Variants in ADGRB3 observed in about 807,000 individuals in gnomAD.
ADGRB3 encodes the protein adhesion G protein-coupled receptor B3.
A neutral mutation model predicts 193.4 loss-of-function variants in ADGRB3; 37 were observed. That is an observed-to-expected ratio of 0.19 (90% CI 0.15 to 0.25). The LOEUF (loss-of-function observed/expected upper bound fraction) is 0.25, where lower values mean the gene tolerates loss of function less well. ADGRB3 is among the 10% of genes least tolerant of loss of function. The pLI, the probability that ADGRB3 is intolerant of heterozygous loss-of-function variation, is 1.00. For missense variants in ADGRB3, 1,637 were observed against 1,852.9 expected (o/e 0.88, Z 2.14); for synonymous variants, 690 against 644.2 (o/e 1.07, Z -1.08).
chr6:69,069,279 T>C (rs1200726332), intron 16 of ADGRB3, among the ~76,000 whole-genome samples: 2 of 152,050 alleles, frequency 1.3e-5, no homozygotes. Flanking sequence ...GTTTTACTCT[T>C]TAAGGGACTG....
chr6:68,660,891 T>C (rs1336698108), intron 3 of ADGRB3, among the ~76,000 whole-genome samples: 1 of 151,072 alleles, frequency 6.6e-6, no homozygotes, highest in Non-Finnish European at 1.5e-5. Flanking sequence ...TTATATGAAA[T>C]AAGCTGGATA....
At chr6:68,912,191 C>G (rs1766732119) in intron 3 of ADGRB3, among the ~76,000 whole-genome samples, 1 of 151,802 alleles carries the variant, frequency 6.6e-6, no homozygotes, top group African/African-American at 2.4e-5. Context: ...CTATAGAGGA[C>G]ACCAAAATTA....
chr6:69,127,596 A>G (rs1773887285), intron 17 of ADGRB3, among the ~76,000 whole-genome samples: 1 of 152,202 alleles, frequency 6.6e-6, no homozygotes, highest in Non-Finnish European at 1.5e-5. Flanking sequence ...TAAATTACTC[A>G]AAGTATACTC....
chr6:69,340,400 CAT>C (rs1304275560), intron 26 of ADGRB3, among the ~76,000 whole-genome samples: 1 of 152,158 alleles, frequency 6.6e-6, no homozygotes, highest in Non-Finnish European at 1.5e-5. Context: ...CAAAAACACA[CAT>C]GACATAGTGC....
chr6:68,941,343 G>GA (rs576626284), intron 5 of ADGRB3, among the ~76,000 whole-genome samples: 45 of 151,866 alleles, frequency 3.0e-4, no homozygotes, highest in Admixed American at 2.2e-3. Flanking sequence ...CTTGTCAAAT[G>GA]AAAAAAAATC....
chr6:69,264,044 G>C (rs1766982538), intron 20 of ADGRB3, among the ~76,000 whole-genome samples: 1 of 151,934 alleles, frequency 6.6e-6, no homozygotes, highest in Non-Finnish European at 1.5e-5. Flanking sequence ...TAAAAGGACA[G>C]AAATGACTCA....
At chr6:68,719,595 GTGTTTTGGCTAA>G (rs1765541131) in intron 3 of ADGRB3, among the ~76,000 whole-genome samples, 1 of 151,754 alleles carries the variant, frequency 6.6e-6, no homozygotes, top group South Asian at 2.1e-4. Context: ...ATCCCTAGTT[GTGTTTTGGCTAA>G]GCGCTCAATG....
At chr6:68,740,277 G>A (rs1765954126) in intron 3 of ADGRB3, among the ~76,000 whole-genome samples, 1 of 152,204 alleles carries the variant, frequency 6.6e-6, no homozygotes, top group Non-Finnish European at 1.5e-5. Flanking sequence ...AAAGTGATAA[G>A]TCTGGGCGTG....
At chr6:69,107,929 A>G (rs942147659) in intron 17 of ADGRB3, among the ~76,000 whole-genome samples, 2 of 152,002 alleles carry the variant, frequency 1.3e-5, no homozygotes, top group African/African-American at 4.8e-5. Context: ...TGAAAAACCA[A>G]CTACTGAGGA....
At chr6:69,355,789 A>G (rs563428179) in intron 27 of ADGRB3, 32 bp from the exon 28 acceptor site, 6 of 1,565,264 alleles carry the variant, frequency 3.8e-6, no homozygotes, top group Non-Finnish European at 5.3e-6. Flanking sequence ...TCATTAAATG[A>G]TGGTTCTATG....
At chr6:68,707,999 C>G (rs1268513443) in intron 3 of ADGRB3, among the ~76,000 whole-genome samples, 1 of 152,108 alleles carries the variant, frequency 6.6e-6, no homozygotes, top group Non-Finnish European at 1.5e-5. Context: ...CAGACAAGCA[C>G]CCCAGCAAGC....
chr6:68,799,402 G>A (rs1582211462), intron 3 of ADGRB3, among the ~76,000 whole-genome samples: 1 of 152,084 alleles, frequency 6.6e-6, no homozygotes, highest in Middle Eastern at 3.4e-3. Flanking sequence ...AGAAGTTTGG[G>A]GAGAAAGAGT....
At chr6:68,877,626 G>T (rs1331988405) in intron 3 of ADGRB3, among the ~76,000 whole-genome samples, 1 of 152,024 alleles carries the variant, frequency 6.6e-6, no homozygotes, top group Non-Finnish European at 1.5e-5. Flanking sequence ...GGGCTAATTA[G>T]ACATATCTGA....
intron 13 of ADGRB3, among the ~76,000 whole-genome samples, chr6:69,043,399 A>G (rs1444512469): frequency 6.6e-6 from 1 of 152,150 alleles, no homozygotes; most frequent in Non-Finnish European, 1.5e-5. Flanking sequence ...TTTCAGTACT[A>G]AAGGAGAAGC....
chr6:68,911,592 G>T (rs1766712236), intron 3 of ADGRB3, among the ~76,000 whole-genome samples: 1 of 152,100 alleles, frequency 6.6e-6, no homozygotes, highest in South Asian at 2.1e-4. Flanking sequence ...CAATTAAAAA[G>T]AAAGTGCACA....
At chr6:69,281,361 A>G (rs892402952) in intron 20 of ADGRB3, among the ~76,000 whole-genome samples, 1 of 152,200 alleles carries the variant, frequency 6.6e-6, no homozygotes, top group African/African-American at 2.4e-5. Flanking sequence ...CTCATTTTCC[A>G]GGAAACATTC....
intron 20 of ADGRB3, among the ~76,000 whole-genome samples, chr6:69,304,233 C>G (rs1185747170): frequency 6.6e-6 from 1 of 151,616 alleles, no homozygotes; most frequent in Non-Finnish European, 1.5e-5. Flanking sequence ...AGGTTTTCCC[C>G]TAAAAATTAT....
chr6:68,910,115 G>C (rs575437663), intron 3 of ADGRB3, among the ~76,000 whole-genome samples: 1 of 152,114 alleles, frequency 6.6e-6, no homozygotes, highest in Non-Finnish European at 1.5e-5. Context: ...GTGTGAGATG[G>C]TATCTCATTG....
At chr6:68,861,744 A>G (rs1029033719) in intron 3 of ADGRB3, among the ~76,000 whole-genome samples, 1 of 152,086 alleles carries the variant, frequency 6.6e-6, no homozygotes, top group African/African-American at 2.4e-5. Context: ...GTCTAACATA[A>G]TTGTTAGAAT....
Sources: allele counts gnomAD v4.1 joint callset (sites outside exome capture counted in the v4.1 genomes callset), GRCh38; gene constraint gnomAD v4.1.1; transcripts MANE v1.5; gene names NCBI Gene and HGNC (gene_info 2026-07-23, HGNC 2026-07-21).